TRPM7: variants seen among roughly 807,000 people sequenced by gnomAD.
TRPM7 encodes the protein transient receptor potential cation channel subfamily M member 7.
In TRPM7, 134 loss-of-function variants were observed where a neutral mutation model predicts 229.7. That is an observed-to-expected ratio of 0.58 (90% CI 0.51 to 0.67). TRPM7 has a LOEUF of 0.67. TRPM7 is among the 30% of genes least tolerant of loss of function. The pLI is 0.00. For missense variants in TRPM7, 1,901 were observed against 2,210.0 expected (o/e 0.86, Z 2.80); for synonymous variants, 699 against 715.2 (o/e 0.98, Z 0.36).
intron 11 of TRPM7, among the ~76,000 whole-genome samples, chr15:50,627,458 T>C (rs1268166503): frequency 2.6e-5 from 4 of 151,938 alleles, no homozygotes; most frequent in Admixed American, 1.3e-4. Context: ...AGCCTAGAGA[T>C]AGGAGCATGC....
At chr15:50,581,585 G>C (rs967385141) in intron 29 of TRPM7, among the ~76,000 whole-genome samples, 2 of 151,676 alleles carry the variant, frequency 1.3e-5, no homozygotes, top group African/African-American at 2.4e-5. Context: ...AATCATGTAA[G>C]CTGTGAATGC....
rs764348278 is a variant in TRPM7, at chr15:50,583,124, T to A, written c.4522A>T (p.Thr1508Ser). ...KISRRPSTED[T>S]HEVDSKAALI... ...GCTGCTTTGGAATCTACTTCATGAG[T>A]GTCTTCGGTAGATGGCCTTCTACTG... The change falls in exon 29 of 39, where the codon ACT (threonine) becomes TCT (serine). Residue 1508 changes from threonine (T) to serine (S), a missense_variant. Thr to Ser is a moderately conservative substitution (Grantham distance 58). Around this residue, in one of 8 missense-constraint regions of TRPM7, gnomAD observed 533 missense variants for 497.1 expected, o/e 1.07. Transcript: ENST00000646667. 2 of 1,608,166 alleles carry A rather than the reference T, an allele frequency of 1.2e-6. No individual in the cohort carries two copies. Among genetic ancestry groups the A allele is most frequent in the East Asian group, 4.5e-5 (2 of 44,630 alleles).
rs759916676 is a variant in TRPM7, at chr15:50,637,609, CAA to C, written c.661-18_661-17del. 1.2e-6 allele frequency: 2 copies of C among 1,604,050 alleles called. No individual in the cohort carries two copies. Among genetic ancestry groups the C allele is most frequent in the Non-Finnish European group, 1.7e-6 (2 of 1,175,872 alleles). On this transcript the variant is annotated splice_polypyrimidine_tract_variant and intron_variant, in intron 6 of 38. Coordinates refer to ENST00000646667, the MANE Select transcript of TRPM7 (RefSeq NM_017672.6). ...GAGCAACCACCTAAACAATAGCAAA[CAA>C]AAGAGTTAGTGAGCAGGATTAAATA...
At chr15:50,638,521 C>T (rs1384150181) in intron 6 of TRPM7, among the ~76,000 whole-genome samples, 1 of 151,408 alleles carries the variant, frequency 6.6e-6, no homozygotes, top group Non-Finnish European at 1.5e-5. Flanking sequence ...TGCACTCCAG[C>T]CTGGGCGACA....
At chr15:50,668,276 A>G (rs1469840918) in intron 1 of TRPM7, among the ~76,000 whole-genome samples, 1 of 152,230 alleles carries the variant, frequency 6.6e-6, no homozygotes, top group South Asian at 2.1e-4. Context: ...ACAGGAGTTA[A>G]CTTCATGGAC....
chr15:50,609,498 C>A, intron 19 of TRPM7, 83 bp downstream of exon 19: 1 of 1,303,758 alleles, frequency 7.7e-7, no homozygotes, highest in Non-Finnish European at 1.0e-6. Flanking sequence ...TAAGTTATAT[C>A]AACATTAGTA....
chr15:50,629,167 T>C (rs72740450), intron 10 of TRPM7, among the ~76,000 whole-genome samples: 4,803 of 135,564 alleles, frequency 0.035, 285 homozygotes, highest in Non-Finnish European at 0.053. Context: ...ATATATACTT[T>C]AAGGTTTTTG....
At position 50,581,715 on chromosome 15, in the gene TRPM7, C is replaced by T. The variant is rs2054423211; in HGVS notation, c.4558-807G>A. Among the ~76,000 whole-genome samples the T allele has an allele frequency of 2.0e-5, 3 of 152,096 alleles. No individual in the cohort carries two copies. In the South Asian group the frequency reaches 6.2e-4, roughly 32 times the overall value. The stretch of plus-strand genomic sequence containing the variant: ...TTATTTTTACTTCCCCAGTTTGAGA[C>T]TCATTCTGCCCGAATTTGAATCTTC... On this transcript the variant is annotated intron_variant, in intron 29 of 38. Transcript: ENST00000646667.
At chr15:50,661,560 TTAAAA>T (rs148193036) in intron 2 of TRPM7, among the ~76,000 whole-genome samples, 2,549 of 152,300 alleles carry the variant, frequency 0.017, 80 homozygotes, top group African/African-American at 0.059. Context: ...TTTTAAAATG[TTAAAA>T]TAAAGAGAAA....
chr15:50,674,864 C>T (rs2062060639), intron 1 of TRPM7, among the ~76,000 whole-genome samples: 1 of 152,178 alleles, frequency 6.6e-6, no homozygotes. Context: ...ATCCCCTCTA[C>T]TACATCCCAT....
intron 13 of TRPM7, among the ~76,000 whole-genome samples, chr15:50,617,452 G>A (rs943276457): frequency 5.9e-5 from 9 of 151,704 alleles, no homozygotes; most frequent in African/African-American, 1.9e-4. Flanking sequence ...GCAGTGAGCC[G>A]AGATCGTGCC....
At chr15:50,630,715 C>T (rs2060706754) in intron 10 of TRPM7, among the ~76,000 whole-genome samples, 1 of 152,244 alleles carries the variant, frequency 6.6e-6, no homozygotes, top group Middle Eastern at 3.4e-3. Flanking sequence ...TGCTGTCACC[C>T]AGGCTGGAGT....
chr15:50,672,667 T>C lies in TRPM7; in HGVS notation c.4-9621A>G, dbSNP rs899398693. ...GCTCACGCCTGTAACCCCAGCACTT[T>C]GGGAGGCTGAGGCAGGCGGATCATC... On this transcript the variant is annotated intron_variant, in intron 1 of 38. Transcript: ENST00000646667. Among the ~76,000 whole-genome samples the C allele has an allele frequency of 4.6e-5, 7 of 151,972 alleles. No individual in the cohort carries two copies. The East Asian group carries it at 9.7e-4, about 21-fold the overall frequency.
intron 1 of TRPM7, among the ~76,000 whole-genome samples, chr15:50,665,733 G>A (rs765147466): frequency 3.3e-5 from 5 of 152,110 alleles, no homozygotes; most frequent in Non-Finnish European, 7.3e-5. Context: ...AGTGGATCAC[G>A]CCTGTAATCC....
At chr15:50,628,111 T>C (rs778033015) in intron 11 of TRPM7, 38 bp downstream of exon 11, 1 of 1,401,860 alleles carries the variant, frequency 7.1e-7, no homozygotes, top group East Asian at 2.3e-5. Context: ...TTACTTAGTG[T>C]AATTTAATTG....
chr15:50,592,038 G>T lies in TRPM7; in HGVS notation c.4197C>A (p.Thr1399=). ...TSIPHLSSPP[T]KFFVSTPSQP... ...GAGATGGTGTACTAACAAAAAATTT[G>T]GTTGGTGGGGATGACAGATGTGGTA... The change falls in exon 26 of 39, where the codon ACC becomes ACA. Residue 1399 remains threonine (T), a synonymous_variant. Transcript: ENST00000646667. The T allele has an allele frequency of 6.2e-7, 1 of 1,613,434 alleles. No individual in the cohort carries two copies. The highest frequency in any genetic ancestry group is 8.5e-7 in the Non-Finnish European group (1 of 1,179,756).
intron 3 of TRPM7, among the ~76,000 whole-genome samples, chr15:50,654,487 G>A (rs949736738): frequency 2.7e-5 from 4 of 150,794 alleles, no homozygotes; most frequent in Non-Finnish European, 5.9e-5. Context: ...AAAGATGAAG[G>A]AAAAAAAGCA....
Position 50,663,198 on chromosome 15 carries a change from G to A in TRPM7, c.4-152C>T, listed in dbSNP as rs988113549. On this transcript the variant is annotated intron_variant, in intron 1 of 38. Coordinates refer to ENST00000646667, the MANE Select transcript of TRPM7 (RefSeq NM_017672.6). ...GACTGGAGAGCAATGGTGTGATCTT[G>A]GCTCACCACAACCTCCGCCTCCCGG... is the stretch of plus-strand genomic sequence containing the variant. 110 of 607,992 alleles carry A rather than the reference G, an allele frequency of 1.8e-4. 1 individual carries two copies. The East Asian group carries it at 3.4e-3, about 19-fold the overall frequency. The allele number at this position is 607,992 out of a possible 1,614,324, so 37.7% of individuals were successfully genotyped here.
At chr15:50,592,652 T>G (rs2059535669) in intron 25 of TRPM7, 26 bp from the exon 26 acceptor site, 9 of 1,426,458 alleles carry the variant, frequency 6.3e-6, no homozygotes, top group Non-Finnish European at 8.4e-6. Flanking sequence ...AAGCTTTTTT[T>G]ACAAATGTGA....
Sources: gnomAD v4.1 joint callset for allele counts (sites outside exome capture counted in the v4.1 genomes callset) on GRCh38, gnomAD v4.1.1 for gene constraint, gnomAD v4.1.1 regional missense constraint, MANE v1.5 for transcripts, NCBI Gene and HGNC (gene_info 2026-07-23, HGNC 2026-07-21) for gene names.